The following GPAT3 variants were observed in gnomAD, a reference collection of about 807,000 sequenced individuals.
The protein encoded by GPAT3 is glycerol-3-phosphate acyltransferase 3.
In GPAT3, 53 loss-of-function variants were observed where a neutral mutation model predicts 58.8. The ratio of observed to expected loss-of-function variants is 0.90; its 90% CI spans 0.72 to 1.13. The LOEUF (loss-of-function observed/expected upper bound fraction) is 1.13. Ranked by LOEUF, GPAT3 falls within the 50% of genes most tolerant of loss-of-function variation. The probability of loss-of-function intolerance (pLI) is 0.00; values close to 1 mark genes in which losing one functional copy is unlikely to be tolerated. For synonymous variants in GPAT3, 197 were observed against 187.4 expected (o/e 1.05, Z -0.42); for missense variants, 511 against 527.6 (o/e 0.97, Z 0.31).
At chr4:83,579,251 C>T (rs930020935) in intron 2 of GPAT3, among the ~76,000 whole-genome samples, 2 of 135,174 alleles carry the variant, frequency 1.5e-5, no homozygotes, top group Non-Finnish European at 3.2e-5. Flanking sequence ...TTCTCCCTTT[C>T]CCTTCCCTTC....
In GPAT3 at chr4:83,605,357, A is replaced by G. The variant is rs1727215230; in HGVS notation, c.*590A>G. On this transcript the variant is annotated 3_prime_UTR_variant, in exon 12 of 12. Transcript: ENST00000264409. Reference sequence around the variant, plus strand: ...ACTATTCAGTAAGCTTCGCCAAAGAAAAGTGAGTCAAAGTTAATGTGTGTG... The same window carrying G: ...ACTATTCAGTAAGCTTCGCCAAAGAGAAGTGAGTCAAAGTTAATGTGTGTG... 6.6e-6 allele frequency: 1 copy of G among 152,334 alleles called. No homozygotes were observed. The highest frequency in any genetic ancestry group is 2.1e-4 in the South Asian group (1 of 4,838). 9.4% of individuals were successfully genotyped at this position (152,334 alleles called of 1,614,324 possible).
chr4:83,598,306 G>A (rs2110110092), intron 10 of GPAT3, 127 bp downstream of exon 10: 1 of 1,240,792 alleles, frequency 8.1e-7, no homozygotes, highest in South Asian at 1.4e-5. Flanking sequence ...TTTTTTTAAT[G>A]ATGTATTTAG....
chr4:83,587,179 T>G, intron 3 of GPAT3, 76 bp from the exon 4 acceptor site: 1 of 1,172,848 alleles, frequency 8.5e-7, no homozygotes, highest in Non-Finnish European at 1.3e-6. Context: ...ATTTACAATT[T>G]TATTATTTAG....
intron 2 of GPAT3, among the ~76,000 whole-genome samples, chr4:83,566,774 C>A (rs1725408427): frequency 6.7e-6 from 1 of 149,322 alleles, no homozygotes; most frequent in African/African-American, 2.5e-5. Context: ...TTTTTTTTTC[C>A]CCCATTTGTT....
intron 3 of GPAT3, among the ~76,000 whole-genome samples, chr4:83,583,679 A>G (rs1452045263): frequency 6.8e-5 from 10 of 147,492 alleles, no homozygotes; most frequent in East Asian, 4.0e-4. Context: ...AAAAAAAAAA[A>G]AAAAAAAAAA....
chr4:83,600,892 C>T (rs1254333611), intron 11 of GPAT3, among the ~76,000 whole-genome samples: 1 of 152,168 alleles, frequency 6.6e-6, no homozygotes, highest in Admixed American at 6.5e-5. Context: ...AGTTAATAAA[C>T]TCCCTGCTGT....
intron 2 of GPAT3, among the ~76,000 whole-genome samples, chr4:83,547,635 A>G (rs1724594200): frequency 6.6e-6 from 1 of 151,412 alleles, no homozygotes. Context: ...TCCCTCTTGC[A>G]TTGTATTTCT....
chr4:83,560,203 G>C (rs991458881), intron 2 of GPAT3, among the ~76,000 whole-genome samples: 1 of 152,138 alleles, frequency 6.6e-6, no homozygotes, highest in Admixed American at 6.6e-5. Flanking sequence ...TTTCCAGAAG[G>C]TCCCTCAGGG....
chr4:83,597,635 C>A, intron 9 of GPAT3, 120 bp downstream of exon 9: 1 of 650,990 alleles, frequency 1.5e-6, no homozygotes, highest in Non-Finnish European at 2.5e-6. Context: ...TTTTCGGATG[C>A]ACCAGTCCTC....
chr4:83,583,886 A>G (rs1726265089), intron 3 of GPAT3, among the ~76,000 whole-genome samples: 1 of 151,550 alleles, frequency 6.6e-6, no homozygotes, highest in Non-Finnish European at 1.5e-5. Flanking sequence ...GAAGCAGGAG[A>G]AATCACTTGA....
chr4:83,541,042 T>C (rs1005375011), intron 1 of GPAT3, among the ~76,000 whole-genome samples: 3 of 152,166 alleles, frequency 2.0e-5, no homozygotes, highest in African/African-American at 7.2e-5. Flanking sequence ...TTAAAGTCTC[T>C]TGTCTGATGT....
chr4:83,547,967 GTGCCGGGCCAT>G (rs1724609255), intron 2 of GPAT3, among the ~76,000 whole-genome samples: 1 of 151,312 alleles, frequency 6.6e-6, no homozygotes, highest in Non-Finnish European at 1.5e-5. Flanking sequence ...ATAAGCCATA[GTGCCGGGCCAT>G]ATCTTACTCT....
chr4:83,582,319 GT>G (rs1366249051), intron 3 of GPAT3, among the ~76,000 whole-genome samples: 1 of 152,206 alleles, frequency 6.6e-6, no homozygotes, highest in Non-Finnish European at 1.5e-5. Context: ...AAGTGTGTTT[GT>G]TCCATCCAAT....
chr4:83,598,317 C>A, intron 10 of GPAT3, 138 bp downstream of exon 10: 3 of 1,170,302 alleles, frequency 2.6e-6, no homozygotes, highest in Non-Finnish European at 3.6e-6. Context: ...ATGTATTTAG[C>A]TCACTTTAAA....
At position 83,536,448 on chromosome 4, in the gene GPAT3, G is replaced by A; in HGVS notation, c.-175G>A. ...GGGCGAGGAGGAGCCCAGGGAGGAA[G>A]GAAGGATATTGCCGTAATTCTGAAA... On this transcript the variant is annotated 5_prime_UTR_variant, in exon 1 of 12. Coordinates refer to ENST00000264409, the MANE Select transcript of GPAT3 (RefSeq NM_032717.5). 1 of 1,418,366 alleles carries A rather than the reference G, an allele frequency of 7.1e-7. No individual in the cohort carries two copies. The highest frequency in any genetic ancestry group is 9.2e-7 in the Non-Finnish European group (1 of 1,091,208). 87.9% of individuals were successfully genotyped at this position (1,418,366 alleles called of 1,614,324 possible).
intron 2 of GPAT3, among the ~76,000 whole-genome samples, chr4:83,545,256 C>T (rs565212771): frequency 1.3e-5 from 2 of 152,210 alleles, no homozygotes; most frequent in African/African-American, 2.4e-5. Context: ...GCCTGGGCAA[C>T]ATGGCGAAAC....
chr4:83,561,398 G>A (rs1159879112), intron 2 of GPAT3, among the ~76,000 whole-genome samples: 1 of 152,016 alleles, frequency 6.6e-6, no homozygotes, highest in African/African-American at 2.4e-5. Context: ...AGATTGGCAA[G>A]CTTTTTATTT....
chr4:83,566,425 A>ATTG (rs1725388854), intron 2 of GPAT3, among the ~76,000 whole-genome samples: 1 of 147,196 alleles, frequency 6.8e-6, no homozygotes, highest in African/African-American at 2.5e-5. Context: ...TTAATTTATT[A>ATTG]TTATTATTAT....
chr4:83,538,208 G>A (rs1324993514), intron 1 of GPAT3, among the ~76,000 whole-genome samples: 2 of 152,112 alleles, frequency 1.3e-5, no homozygotes, highest in Admixed American at 6.5e-5. Context: ...ACATTGTCTT[G>A]TACTTGCTAG....
Sources: gnomAD v4.1 joint callset for allele counts (sites outside exome capture counted in the v4.1 genomes callset) on GRCh38, gnomAD v4.1.1 for gene constraint, MANE v1.5 for transcripts, NCBI Gene and HGNC (gene_info 2026-07-23, HGNC 2026-07-21) for gene names.